The following CARMIL1 variants were observed in gnomAD, a reference collection of about 807,000 sequenced individuals.
The protein encoded by CARMIL1 is F-actin-uncapping protein LRRC16A.
A neutral mutation model predicts 177.1 loss-of-function variants in CARMIL1; 90 were observed. The ratio of observed to expected loss-of-function variants is 0.51; its 90% CI spans 0.43 to 0.61. The LOEUF (loss-of-function observed/expected upper bound fraction) is 0.61, where lower values mean the gene tolerates loss of function less well. Among genes scored for constraint, CARMIL1 ranks in the 20% least tolerant of loss-of-function variants. CARMIL1 has a pLI of 0.00. For synonymous variants in CARMIL1, 577 were observed against 606.2 expected, an observed-to-expected ratio of 0.95 and a Z score of 0.71; for missense variants, 1,380 against 1,667.0, an observed-to-expected ratio of 0.83 and a Z score of 3.00.
At chr6:25,421,022 A>G (rs1173865393) in intron 3 of CARMIL1, among the ~76,000 whole-genome samples, 1 of 152,204 alleles carries the variant, frequency 6.6e-6, no homozygotes, top group Non-Finnish European at 1.5e-5. Flanking sequence ...AGGCCCAAGG[A>G]GGTTCAGTAA....
chr6:25,540,609 T>C (rs1808806281), intron 26 of CARMIL1, among the ~76,000 whole-genome samples: 4 of 152,188 alleles, frequency 2.6e-5, no homozygotes, highest in Admixed American at 2.0e-4. Context: ...CAAAAAGTTA[T>C]TGAAACTTTT....
At chr6:25,507,784 A>G (rs1260588094) in intron 17 of CARMIL1, among the ~76,000 whole-genome samples, 3 of 152,210 alleles carry the variant, frequency 2.0e-5, no homozygotes, top group African/African-American at 7.2e-5. Context: ...TTATCTTCTC[A>G]AAAGCATACT....
At chr6:25,323,420 C>CAAA (rs11288797) in intron 2 of CARMIL1, among the ~76,000 whole-genome samples, 8 of 82,354 alleles carry the variant, frequency 9.7e-5, no homozygotes, top group African/African-American at 1.4e-4. Context: ...CCTGTCTCTA[C>CAAA]AAAAAAAAAA....
intron 2 of CARMIL1, among the ~76,000 whole-genome samples, chr6:25,322,212 T>G (rs1784735401): frequency 6.6e-6 from 1 of 152,204 alleles, no homozygotes; most frequent in South Asian, 2.1e-4. Context: ...AACCTCTGCC[T>G]CCTGGGTTCA....
intron 5 of CARMIL1, among the ~76,000 whole-genome samples, chr6:25,446,945 G>T (rs78630853): frequency 0.032 from 4,915 of 152,230 alleles, 187 homozygotes; most frequent in African/African-American, 0.095. Context: ...ACACTTTTAA[G>T]TAGCTAAGTT....
chr6:25,291,969 G>C (rs2744292), intron 2 of CARMIL1, among the ~76,000 whole-genome samples: 6,027 of 152,268 alleles, frequency 0.04, 342 homozygotes, highest in African/African-American at 0.13. Flanking sequence ...GGTTATCCTG[G>C]CAGCACAGTG....
chr6:25,436,681 C>G (rs112463892), intron 5 of CARMIL1, among the ~76,000 whole-genome samples: 2,780 of 152,342 alleles, frequency 0.018, 28 homozygotes, highest in Non-Finnish European at 0.03. Flanking sequence ...TCCCTTCCCC[C>G]CATGGTGGGA....
chr6:25,524,919 C>T (rs1806941478), intron 23 of CARMIL1, among the ~76,000 whole-genome samples: 1 of 152,016 alleles, frequency 6.6e-6, no homozygotes, highest in Non-Finnish European at 1.5e-5. Context: ...TCAATAGAAA[C>T]TTCCCAAACT....
chr6:25,544,355 A>G (rs1274287361), intron 26 of CARMIL1, among the ~76,000 whole-genome samples: 1 of 152,042 alleles, frequency 6.6e-6, no homozygotes, highest in African/African-American at 2.4e-5. Context: ...AGATCTTGAA[A>G]GGAGGCCAGA....
At chr6:25,556,909 T>TTG (rs1810668838) in intron 29 of CARMIL1, 59 bp downstream of exon 29, 2 of 1,487,500 alleles carry the variant, frequency 1.3e-6, no homozygotes, top group African/African-American at 1.7e-5. Flanking sequence ...CCATTGTTTT[T>TTG]TTTTTTTTTT....
At chr6:25,476,768 C>G (rs922244733) in intron 11 of CARMIL1, among the ~76,000 whole-genome samples, 5 of 152,014 alleles carry the variant, frequency 3.3e-5, no homozygotes, top group African/African-American at 1.2e-4. Context: ...AAACACTAAG[C>G]CAGGACTATT....
chr6:25,285,424 G>C lies in CARMIL1; in HGVS notation c.138+515G>C, dbSNP rs139575652. On this transcript the variant is annotated intron_variant, in intron 2 of 36. Coordinates refer to ENST00000329474, the MANE Select transcript of CARMIL1 (RefSeq NM_017640.6). ...TGGAGGGAAACTCCTGCTGAAGGCA[G>C]TATCTGCTAGTGTTGCGACTGGACT... Among the ~76,000 whole-genome samples the C allele has an allele frequency of 7.4e-3, 1,126 of 152,310 alleles. 12 individuals carry two copies. The highest frequency in any genetic ancestry group is 0.023 in the African/African-American group (942 of 41,566).
intron 5 of CARMIL1, among the ~76,000 whole-genome samples, chr6:25,442,906 G>A (rs912042714): frequency 1.3e-5 from 2 of 152,108 alleles, no homozygotes; most frequent in Non-Finnish European, 2.9e-5. Context: ...GTAAAACTGA[G>A]GCTCTGGTTT....
chr6:25,302,733 G>A (rs955032577), intron 2 of CARMIL1, among the ~76,000 whole-genome samples: 2 of 152,186 alleles, frequency 1.3e-5, no homozygotes, highest in African/African-American at 4.8e-5. Flanking sequence ...GGGAGGGAGG[G>A]AGAATGGCCA....
intron 2 of CARMIL1, among the ~76,000 whole-genome samples, chr6:25,315,422 T>C (rs1347014613): frequency 6.6e-6 from 1 of 152,238 alleles, no homozygotes; most frequent in African/African-American, 2.4e-5. Context: ...ACATAGCAGC[T>C]TGGTCGCTCT....
chr6:25,450,590 T>C (rs1304717587), intron 7 of CARMIL1, 48 bp from the exon 8 acceptor site: 1 of 1,189,372 alleles, frequency 8.4e-7, no homozygotes, highest in Admixed American at 1.9e-5. Flanking sequence ...CTTGCTTTCC[T>C]GGTCATCTGC....
intron 36 of CARMIL1, chr6:25,612,954 T>A: frequency 1.1e-6 from 1 of 903,114 alleles, no homozygotes. Flanking sequence ...AAAAACAAAC[T>A]GTAATTGAGT....
chr6:25,414,799 G>A (rs533352585), intron 2 of CARMIL1, among the ~76,000 whole-genome samples: 7 of 152,280 alleles, frequency 4.6e-5, no homozygotes, highest in Non-Finnish European at 1.0e-4. Flanking sequence ...TGAACTCTCT[G>A]TGTCTCTGGA....
chr6:25,542,365 T>A (rs990095459), intron 26 of CARMIL1, among the ~76,000 whole-genome samples: 2 of 152,236 alleles, frequency 1.3e-5, no homozygotes, highest in Non-Finnish European at 2.9e-5. Flanking sequence ...TATAAATATA[T>A]TTAGGATTCA....
Sources: gnomAD v4.1 joint callset for allele counts (sites outside exome capture counted in the v4.1 genomes callset) on GRCh38, gnomAD v4.1.1 for gene constraint, MANE v1.5 for transcripts, NCBI Gene and HGNC (gene_info 2026-07-23, HGNC 2026-07-21) for gene names.